The following DENND1A variants were observed in gnomAD, a reference collection of about 807,000 sequenced individuals.
DENND1A encodes the protein DENN domain-containing protein 1A.
DENND1A carries 51 observed loss-of-function variants against 113.7 expected under a neutral mutation model. The observed-to-expected ratio is 0.45, with a 90% CI of 0.36 to 0.57. DENND1A has a LOEUF of 0.57. Ranked by LOEUF, DENND1A falls within the 20% of genes least tolerant of loss-of-function variation. DENND1A has a pLI of 0.00. For synonymous variants in DENND1A, 565 were observed against 570.8 expected (o/e 0.99, Z 0.14); for missense variants, 1,258 against 1,395.9 (o/e 0.90, Z 1.57).
chr9:123,847,032 C>T (rs974650762), intron 2 of DENND1A, among the ~76,000 whole-genome samples: 1 of 152,058 alleles, frequency 6.6e-6, no homozygotes, highest in Non-Finnish European at 1.5e-5. Context: ...TTTGTAGAGA[C>T]AGGGTCTCAC....
chr9:123,747,878 T>C (rs2069650350), intron 5 of DENND1A, among the ~76,000 whole-genome samples: 1 of 152,204 alleles, frequency 6.6e-6, no homozygotes, highest in Admixed American at 6.5e-5. Flanking sequence ...AGACTTTTGA[T>C]ACTATTTCCA....
intron 2 of DENND1A, among the ~76,000 whole-genome samples, chr9:123,818,800 T>C (rs983682975): frequency 1.3e-5 from 2 of 152,218 alleles, no homozygotes; most frequent in East Asian, 1.9e-4. Flanking sequence ...TGGAGCATTT[T>C]GGATTTCAAA....
intron 11 of DENND1A, among the ~76,000 whole-genome samples, chr9:123,604,653 C>A (rs2060073588): frequency 6.6e-6 from 1 of 152,168 alleles, no homozygotes; most frequent in Non-Finnish European, 1.5e-5. Context: ...GGGAAGTGGT[C>A]AAGCAGGGGT....
At chr9:123,478,161 C>G (rs1484567839) in intron 13 of DENND1A, among the ~76,000 whole-genome samples, 1 of 152,210 alleles carries the variant, frequency 6.6e-6, no homozygotes, top group Non-Finnish European at 1.5e-5. Context: ...TGCATCTGGA[C>G]AAGTAGGACC....
chr9:123,642,395 G>A (rs1040011497), intron 9 of DENND1A, among the ~76,000 whole-genome samples: 6 of 152,194 alleles, frequency 3.9e-5, no homozygotes, highest in Non-Finnish European at 7.3e-5. Context: ...GTGCTGCTTG[G>A]AAGTTTGGCT....
chr9:123,811,846 A>G (rs1387934340), intron 2 of DENND1A, among the ~76,000 whole-genome samples: 2 of 152,258 alleles, frequency 1.3e-5, no homozygotes, highest in African/African-American at 4.8e-5. Context: ...TTAGAACTAT[A>G]AATGACATGG....
intron 13 of DENND1A, among the ~76,000 whole-genome samples, chr9:123,553,302 C>T (rs1315388751): frequency 1.3e-5 from 2 of 151,804 alleles, no homozygotes; most frequent in South Asian, 2.1e-4. Flanking sequence ...TAAAGACCAG[C>T]ACTAGGAAAA....
At chr9:123,675,683 A>G (rs1173347900) in intron 6 of DENND1A, among the ~76,000 whole-genome samples, 1 of 152,238 alleles carries the variant, frequency 6.6e-6, no homozygotes, top group Non-Finnish European at 1.5e-5. Context: ...AATTAAAACA[A>G]TGAGACTTTT....
chr9:123,609,265 A>T (rs1405290243), intron 11 of DENND1A, among the ~76,000 whole-genome samples, 171 bp downstream of exon 11: 1 of 152,196 alleles, frequency 6.6e-6, no homozygotes, highest in Non-Finnish European at 1.5e-5. Flanking sequence ...CTGAAAACAG[A>T]GCCCAGTGCA....
intron 2 of DENND1A, among the ~76,000 whole-genome samples, chr9:123,804,578 C>A (rs1835228722): frequency 6.6e-6 from 1 of 152,156 alleles, no homozygotes; most frequent in South Asian, 2.1e-4. Flanking sequence ...AAATTTATTT[C>A]TCCAGCTCCT....
chr9:123,582,906 C>T lies in DENND1A; in HGVS notation c.867+263G>A, dbSNP rs551595639. 2.7e-5 allele frequency among the ~76,000 whole-genome samples: 4 copies of T among 149,922 alleles called. No individual in the cohort carries two copies. The South Asian group carries it at 8.5e-4, about 32-fold the overall frequency. Reference sequence around the variant, plus strand: ...TAGAAACAGGGTTTCACCATGTTGCCCAGGCTGGTCTCGAACTCCTGACCT... The same window carrying T: ...TAGAAACAGGGTTTCACCATGTTGCTCAGGCTGGTCTCGAACTCCTGACCT... On this transcript the variant is annotated intron_variant, in intron 12 of 23. Transcript: ENST00000394215.
chr9:123,801,106 C>T (rs374620733), intron 2 of DENND1A, among the ~76,000 whole-genome samples: 1 of 152,220 alleles, frequency 6.6e-6, no homozygotes, highest in East Asian at 1.9e-4. Context: ...TAGCCCTTAT[C>T]TGTACCATTA....
At chr9:123,707,054 CAT>C (rs2066264521) in intron 5 of DENND1A, among the ~76,000 whole-genome samples, 1 of 152,032 alleles carries the variant, frequency 6.6e-6, no homozygotes. Context: ...TGTTAATAGA[CAT>C]GACATGACAC....
chr9:123,693,804 A>AAATTAT (rs2065322903), intron 5 of DENND1A, among the ~76,000 whole-genome samples: 1 of 140,206 alleles, frequency 7.1e-6, no homozygotes, highest in Non-Finnish European at 1.5e-5. Context: ...TTCATTAGCT[A>AAATTAT]TATTATTATT....
chr9:123,832,064 T>C lies in DENND1A; in HGVS notation c.89-39434A>G, dbSNP rs184227376. Reference sequence around the variant, plus strand: ...TTAATCATTCCACATTGTACACATATATCAAAACATCACTTTGTACTCTAT... The same window carrying C: ...TTAATCATTCCACATTGTACACATACATCAAAACATCACTTTGTACTCTAT... On this transcript the variant is annotated intron_variant, in intron 2 of 23. Coordinates refer to ENST00000394215, the MANE Select transcript of DENND1A (RefSeq NM_001352964.2). 3.3e-5 allele frequency among the ~76,000 whole-genome samples: 5 copies of C among 152,336 alleles called. No homozygotes were observed. The East Asian group carries it at 9.6e-4, about 29-fold the overall frequency.
At chr9:123,447,632 A>G (rs1564505948) in intron 18 of DENND1A, among the ~76,000 whole-genome samples, 2 of 152,222 alleles carry the variant, frequency 1.3e-5, no homozygotes, top group African/African-American at 4.8e-5. Context: ...AGAGGAGGCC[A>G]GGTGGCAACC....
At chr9:123,688,629 A>C (rs896972687) in intron 5 of DENND1A, among the ~76,000 whole-genome samples, 1 of 152,202 alleles carries the variant, frequency 6.6e-6, no homozygotes, top group Non-Finnish European at 1.5e-5. Context: ...ATCACACAGC[A>C]GCCACAGCAT....
At chr9:123,643,995 A>G (rs1219418898) in intron 9 of DENND1A, among the ~76,000 whole-genome samples, 2 of 152,212 alleles carry the variant, frequency 1.3e-5, no homozygotes, top group Non-Finnish European at 2.9e-5. Flanking sequence ...CAGGGAATTC[A>G]TGACAATGAA....
At chr9:123,736,865 G>T (rs2068603076) in intron 5 of DENND1A, among the ~76,000 whole-genome samples, 2 of 152,152 alleles carry the variant, frequency 1.3e-5, no homozygotes, top group African/African-American at 4.8e-5. Flanking sequence ...GGGCCTATTG[G>T]CAGTACATAC....
Sources: allele counts gnomAD v4.1 joint callset (sites outside exome capture counted in the v4.1 genomes callset), GRCh38; gene constraint gnomAD v4.1.1; transcripts MANE v1.5; gene names NCBI Gene and HGNC (gene_info 2026-07-23, HGNC 2026-07-21).